The following TMEM135 variants were observed in gnomAD, a reference collection of about 807,000 sequenced individuals.
TMEM135 encodes transmembrane protein 135, also known as peroxisomal membrane protein 52.
Under a neutral mutation model 60.3 loss-of-function variants are expected in TMEM135, and 30 were observed. The ratio of observed to expected loss-of-function variants is 0.50; its 90% CI spans 0.37 to 0.68. The LOEUF (loss-of-function observed/expected upper bound fraction) is 0.68, where lower values mean the gene tolerates loss of function less well. TMEM135 is among the 30% of genes least tolerant of loss of function. The pLI, the probability that TMEM135 is intolerant of heterozygous loss-of-function variation, is 0.00. For synonymous variants in TMEM135, 190 were observed against 186.7 expected (o/e 1.02, Z -0.14); for missense variants, 468 against 548.8 (o/e 0.85, Z 1.47).
At chr11:87,102,785 A>G (rs1857494043) in intron 4 of TMEM135, among the ~76,000 whole-genome samples, 1 of 150,108 alleles carries the variant, frequency 6.7e-6, no homozygotes, top group Admixed American at 6.7e-5. Flanking sequence ...TCAAATTAAC[A>G]TCACCTCAGT....
intron 11 of TMEM135, 40 bp from the exon 12 acceptor site, chr11:87,314,431 C>A: frequency 1.3e-6 from 2 of 1,511,858 alleles, no homozygotes; most frequent in Non-Finnish European, 1.8e-6. Flanking sequence ...CAAATAAATA[C>A]TCTGCGATCT....
intron 4 of TMEM135, among the ~76,000 whole-genome samples, chr11:87,151,615 T>C (rs1017715620): frequency 1.2e-4 from 18 of 152,152 alleles, no homozygotes; most frequent in Non-Finnish European, 1.2e-4. Context: ...CCTATTTCAA[T>C]GTGTAATTTC....
At chr11:87,177,358 G>A (rs192641723) in intron 5 of TMEM135, among the ~76,000 whole-genome samples, 1 of 152,078 alleles carries the variant, frequency 6.6e-6, no homozygotes, top group Admixed American at 6.5e-5. Context: ...TTTTTTCACT[G>A]ACTGTTGCAT....
intron 4 of TMEM135, among the ~76,000 whole-genome samples, chr11:87,105,366 T>C (rs1038871920): frequency 5.9e-5 from 9 of 152,264 alleles, no homozygotes; most frequent in Non-Finnish European, 4.4e-5. Context: ...GAACTGCACA[T>C]GTGAGGGATC....
At position 87,327,531 on chromosome 11, in the gene TMEM135, G is replaced by C; in HGVS notation, c.*6198G>C. On this transcript the variant is annotated 3_prime_UTR_variant, in exon 15 of 15. Coordinates refer to ENST00000305494, the MANE Select transcript of TMEM135 (RefSeq NM_022918.4). ...AACAATAGGGATAGAGAGATACATAGAGAGAGATATGAGAGGGATAGAGAG... is the reference window on the plus strand; with the variant it reads ...AACAATAGGGATAGAGAGATACATACAGAGAGATATGAGAGGGATAGAGAG... 2.2e-6 allele frequency: 1 copy of C among 453,444 alleles called. No individual in the cohort carries two copies. Among genetic ancestry groups the C allele is most frequent in the South Asian group, 1.6e-5 (1 of 64,364 alleles). 28.1% of individuals were successfully genotyped at this position (453,444 alleles called of 1,614,324 possible).
chr11:87,044,373 AG>A (rs1379023728), intron 1 of TMEM135, among the ~76,000 whole-genome samples: 1 of 152,108 alleles, frequency 6.6e-6, no homozygotes, highest in Non-Finnish European at 1.5e-5. Flanking sequence ...GAGACTAAAA[AG>A]TTTTTGGTAA....
chr11:87,283,714 T>C (rs1942110905), intron 6 of TMEM135, among the ~76,000 whole-genome samples: 1 of 151,690 alleles, frequency 6.6e-6, no homozygotes, highest in Non-Finnish European at 1.5e-5. Context: ...AAAAATTAGC[T>C]GGGCGTGGTG....
At chr11:87,100,744 C>T (rs1401119986) in intron 4 of TMEM135, among the ~76,000 whole-genome samples, 1 of 152,056 alleles carries the variant, frequency 6.6e-6, no homozygotes, top group East Asian at 1.9e-4. Flanking sequence ...CGCCTGTAAT[C>T]CTACCTACTA....
At chr11:87,246,091 T>C (rs1210127049) in intron 6 of TMEM135, among the ~76,000 whole-genome samples, 2 of 138,260 alleles carry the variant, frequency 1.4e-5, no homozygotes, top group Non-Finnish European at 3.2e-5. Flanking sequence ...TAAAGTATTT[T>C]ATTTCTCCTT....
chr11:87,131,593 A>C (rs956074374), intron 4 of TMEM135, among the ~76,000 whole-genome samples: 6 of 152,164 alleles, frequency 3.9e-5, no homozygotes, highest in African/African-American at 1.4e-4. Flanking sequence ...GATATACTGC[A>C]TAGTGATTAT....
At chr11:87,273,753 T>C (rs753919801) in intron 6 of TMEM135, among the ~76,000 whole-genome samples, 10 of 152,242 alleles carry the variant, frequency 6.6e-5, no homozygotes, top group Non-Finnish European at 1.3e-4. Flanking sequence ...CTTTATATTA[T>C]GCACAGCAAA....
chr11:87,171,864 C>T (rs1939245843), intron 5 of TMEM135, among the ~76,000 whole-genome samples: 1 of 152,084 alleles, frequency 6.6e-6, no homozygotes, highest in African/African-American at 2.4e-5. Flanking sequence ...AACCTAGATC[C>T]CTCCCATGTG....
intron 6 of TMEM135, among the ~76,000 whole-genome samples, chr11:87,243,400 G>T (rs1239742989): frequency 7.6e-6 from 1 of 131,004 alleles, no homozygotes; most frequent in Non-Finnish European, 1.7e-5. Context: ...AAAGTCATTG[G>T]TAGCTTGATG....
chr11:87,094,551 A>G (rs1857279931), intron 4 of TMEM135, among the ~76,000 whole-genome samples: 1 of 152,122 alleles, frequency 6.6e-6, no homozygotes, highest in South Asian at 2.1e-4. Flanking sequence ...ATTAGAAATT[A>G]CAGTATAGGC....
chr11:87,099,082 C>T (rs926795915), intron 4 of TMEM135, among the ~76,000 whole-genome samples: 1 of 152,184 alleles, frequency 6.6e-6, no homozygotes, highest in African/African-American at 2.4e-5. Context: ...CGCTAGCATA[C>T]ATTTGAGTTT....
intron 9 of TMEM135, 52 bp downstream of exon 9, chr11:87,306,057 A>G (rs887687059): frequency 1.9e-6 from 2 of 1,045,206 alleles, no homozygotes; most frequent in Admixed American, 4.5e-5. Flanking sequence ...GGGTATAGAA[A>G]TTATTTATTT....
At chr11:87,097,209 C>T (rs1433669874) in intron 4 of TMEM135, among the ~76,000 whole-genome samples, 1 of 152,114 alleles carries the variant, frequency 6.6e-6, no homozygotes, top group Non-Finnish European at 1.5e-5. Flanking sequence ...GTTGGTCAGG[C>T]TGGTCTGGAA....
intron 3 of TMEM135, among the ~76,000 whole-genome samples, chr11:87,084,294 A>G (rs1857050785): frequency 2.1e-5 from 3 of 145,238 alleles, no homozygotes; most frequent in African/African-American, 7.8e-5. Flanking sequence ...CTGACTACAC[A>G]GTTCCTGTAG....
At chr11:87,072,275 T>C (rs1856786085) in intron 3 of TMEM135, among the ~76,000 whole-genome samples, 1 of 152,172 alleles carries the variant, frequency 6.6e-6, no homozygotes. Flanking sequence ...TTAAGAAAAT[T>C]AACAATAGTT....
Sources: allele counts gnomAD v4.1 joint callset (sites outside exome capture counted in the v4.1 genomes callset), GRCh38; gene constraint gnomAD v4.1.1; transcripts MANE v1.5; gene names NCBI Gene and HGNC (gene_info 2026-07-23, HGNC 2026-07-21).